The following NRG1 variants were observed in gnomAD, a reference collection of about 807,000 sequenced individuals.
The protein encoded by NRG1 is pro-neuregulin-1, membrane-bound isoform.
Under a neutral mutation model 63.8 loss-of-function variants are expected in NRG1, and 18 were observed. That is an observed-to-expected ratio of 0.28 (90% CI 0.19 to 0.42). The LOEUF is 0.42. Ranked by LOEUF, NRG1 falls within the 10% of genes least tolerant of loss-of-function variation. The pLI is 1.00. For missense variants in NRG1, 762 were observed against 814.7 expected, an observed-to-expected ratio of 0.94 and a Z score of 0.79; for synonymous variants, 302 against 301.3, an observed-to-expected ratio of 1.00 and a Z score of -0.02.
chr8:32,220,687 G>A (rs1845718587), intron 1 of NRG1, among the ~76,000 whole-genome samples: 1 of 152,178 alleles, frequency 6.6e-6, no homozygotes, highest in Admixed American at 6.5e-5. Flanking sequence ...GTGTCACTGT[G>A]GCTCAGAGGC....
At chr8:32,117,191 C>T (rs955264313) in intron 1 of NRG1, among the ~76,000 whole-genome samples, 1 of 151,744 alleles carries the variant, frequency 6.6e-6, no homozygotes, top group African/African-American at 2.4e-5. Context: ...ACACTGTGGA[C>T]TCAAAATAAC....
At chr8:31,676,633 C>T (rs770905331) in intron 1 of NRG1, among the ~76,000 whole-genome samples, 5 of 152,146 alleles carry the variant, frequency 3.3e-5, no homozygotes, top group Non-Finnish European at 5.9e-5. Context: ...TTTGATATAC[C>T]TTCCAGGGGT....
chr8:32,756,003 A>C (rs1829610830), intron 8 of NRG1, among the ~76,000 whole-genome samples: 1 of 152,124 alleles, frequency 6.6e-6, no homozygotes, highest in Non-Finnish European at 1.5e-5. Context: ...TTGCCTCCGA[A>C]AGTGCTAAGC....
intron 1 of NRG1, among the ~76,000 whole-genome samples, chr8:32,268,194 G>C (rs1266876172): frequency 6.6e-6 from 1 of 152,108 alleles, no homozygotes; most frequent in African/African-American, 2.4e-5. Flanking sequence ...GCCTTCCCTG[G>C]TTGAGCCTCA....
At chr8:31,919,565 T>G (rs1833723286) in intron 1 of NRG1, among the ~76,000 whole-genome samples, 1 of 152,166 alleles carries the variant, frequency 6.6e-6, no homozygotes, top group Admixed American at 6.6e-5. Flanking sequence ...AGGAGGCAGC[T>G]GTTAAAATTT....
chr8:31,731,036 T>C (rs924714425), intron 1 of NRG1, among the ~76,000 whole-genome samples: 1 of 152,114 alleles, frequency 6.6e-6, no homozygotes, highest in African/African-American at 2.4e-5. Flanking sequence ...GTAGGACTTT[T>C]CACAAAGCTT....
intron 1 of NRG1, among the ~76,000 whole-genome samples, chr8:31,722,672 A>G (rs1316399345): frequency 6.6e-6 from 1 of 152,138 alleles, no homozygotes; most frequent in Non-Finnish European, 1.5e-5. Context: ...CATGACCAAG[A>G]CTGTTATTGT....
chr8:31,968,692 C>T (rs548938992), intron 1 of NRG1, among the ~76,000 whole-genome samples: 10 of 152,186 alleles, frequency 6.6e-5, no homozygotes, highest in Admixed American at 5.2e-4. Flanking sequence ...TCCTTAGCTT[C>T]CTAAACCCAG....
intron 5 of NRG1, among the ~76,000 whole-genome samples, chr8:32,714,987 T>G (rs1464913999): frequency 6.6e-6 from 1 of 152,206 alleles, no homozygotes; most frequent in Non-Finnish European, 1.5e-5. Flanking sequence ...TGCTGATTTT[T>G]TTTTAAGACA....
rs547385308 is a variant in NRG1 at position 31,788,218 on chromosome 8, A to G, written c.37+148787A>G. ...GATAAAGAAAAAAACCCATAATCCTACTGCTGAATGAGAGCTCTGTTAACA... is the reference window on the plus strand; with the variant it reads ...GATAAAGAAAAAAACCCATAATCCTGCTGCTGAATGAGAGCTCTGTTAACA... On this transcript the variant is annotated intron_variant, in intron 1 of 10. Transcript: ENST00000519301. Among the ~76,000 whole-genome samples, 55 of 152,234 alleles carry G rather than the reference A, an allele frequency of 3.6e-4. 1 individual carries two copies. Among genetic ancestry groups the G allele is most frequent in the African/African-American group, 1.2e-3 (48 of 41,566 alleles).
intron 1 of NRG1, among the ~76,000 whole-genome samples, chr8:32,447,166 C>A (rs1300886431): frequency 6.6e-6 from 1 of 151,562 alleles, no homozygotes; most frequent in Non-Finnish European, 1.5e-5. Flanking sequence ...ATTACAGGCG[C>A]CCACCACCAC....
At chr8:31,692,184 AT>A (rs1286029863) in intron 1 of NRG1, among the ~76,000 whole-genome samples, 1 of 152,222 alleles carries the variant, frequency 6.6e-6, no homozygotes, top group African/African-American at 2.4e-5. Context: ...GTTGAAACTC[AT>A]TTTAGAAATT....
chr8:31,814,484 G>C (rs34379739), intron 1 of NRG1, among the ~76,000 whole-genome samples: 8,235 of 152,150 alleles, frequency 0.054, 291 homozygotes, highest in Admixed American at 0.11. Flanking sequence ...AAAGCATTTA[G>C]TGCAAGGTCT....
intron 1 of NRG1, among the ~76,000 whole-genome samples, chr8:32,394,387 C>T (rs1418134273): frequency 6.6e-6 from 1 of 152,200 alleles, no homozygotes; most frequent in East Asian, 1.9e-4. Flanking sequence ...CTTTGTATCA[C>T]TTAAGCCACG....
At chr8:32,505,801 G>C (rs879546722) in intron 1 of NRG1, among the ~76,000 whole-genome samples, 17 of 152,252 alleles carry the variant, frequency 1.1e-4, no homozygotes, top group Admixed American at 7.9e-4. Context: ...AGGACAACAA[G>C]TGCCTTGTAT....
At chr8:31,753,858 G>C (rs1238569941) in intron 1 of NRG1, among the ~76,000 whole-genome samples, 2 of 151,832 alleles carry the variant, frequency 1.3e-5, no homozygotes, top group Non-Finnish European at 1.5e-5. Context: ...TTATTCTTTG[G>C]ATCTAAGTTA....
At chr8:31,821,672 G>C (rs541997178) in intron 1 of NRG1, among the ~76,000 whole-genome samples, 1 of 151,876 alleles carries the variant, frequency 6.6e-6, no homozygotes, top group South Asian at 2.1e-4. Context: ...GAAATGCAAG[G>C]CTCATCAGCT....
At chr8:32,297,561 G>A (rs1268611987) in intron 1 of NRG1, among the ~76,000 whole-genome samples, 1 of 152,152 alleles carries the variant, frequency 6.6e-6, no homozygotes, top group South Asian at 2.1e-4. Context: ...CCTTTCCAGG[G>A]TCTCCAAGCA....
intron 1 of NRG1, among the ~76,000 whole-genome samples, chr8:32,090,973 C>G (rs1228887829): frequency 1.3e-5 from 2 of 152,160 alleles, no homozygotes; most frequent in African/African-American, 4.8e-5. Context: ...ACTTCCATTT[C>G]CTCTTTTGTC....
Sources: allele counts gnomAD v4.1 joint callset (sites outside exome capture counted in the v4.1 genomes callset), GRCh38; gene constraint gnomAD v4.1.1; transcripts MANE v1.5; gene names NCBI Gene and HGNC (gene_info 2026-07-23, HGNC 2026-07-21).